The following HHATL variants were observed in gnomAD, a reference collection of about 807,000 sequenced individuals.
HHATL encodes protein-cysteine N-palmitoyltransferase HHAT-like protein.
A neutral mutation model predicts 59.7 loss-of-function variants in HHATL; 49 were observed. The observed-to-expected ratio is 0.82, with a 90% confidence interval of 0.65 to 1.04. The LOEUF is 1.04. Among genes scored for constraint, HHATL ranks in the 50% least tolerant of loss-of-function variants. The pLI, the probability that HHATL is intolerant of heterozygous loss-of-function variation, is 0.00. For missense variants in HHATL, 605 were observed against 650.8 expected, an observed-to-expected ratio of 0.93 and a Z score of 0.77; for synonymous variants, 238 against 257.3, an observed-to-expected ratio of 0.93 and a Z score of 0.72.
At chr3:42,699,244 C>G in intron 3 of HHATL, 99 bp from the exon 4 acceptor site, 1 of 633,616 alleles carries the variant, frequency 1.6e-6, no homozygotes. Context: ...AGCACCTTTC[C>G]CAGCCTTCAT....
rs747437333 is a variant in HHATL, at chr3:42,699,760, T to C, written c.172A>G (p.Met58Val). The C allele has an allele frequency of 8.7e-5, 138 of 1,578,576 alleles. No homozygotes were observed. The highest frequency in any genetic ancestry group is 1.1e-4 in the Non-Finnish European group (132 of 1,161,556). Residue 58 changes from methionine (M) to valine (V), a missense_variant and splice_region_variant, in exon 3 of 12, where the codon ATG becomes GTG. Coordinates refer to ENST00000441594, the MANE Select transcript of HHATL (RefSeq NM_020707.4). ...RPGWEYIGRK[M>V]DVADFEWVMW... Reference sequence around the variant, plus strand: ...ACCCTGGGATGTGGGGGACCTACCATCTTCCGGCCAATGTACTCCCAGCCA... The same window carrying C: ...ACCCTGGGATGTGGGGGACCTACCACCTTCCGGCCAATGTACTCCCAGCCA...
At position 42,698,285 on chromosome 3, in the gene HHATL, CT is replaced by C; in HGVS notation, c.549del (p.Val184CysfsTer21). The C allele has an allele frequency of 6.2e-7, 1 of 1,614,074 alleles. No homozygotes were observed. The highest frequency in any genetic ancestry group is 1.1e-5 in the South Asian group (1 of 91,078). ...AGTGCAAAGCTGGTGCAACGCAGCA[CT>C]GTGAAGCTGCTGCCCCCATGAAACA... ...EVLFHGGSSF[T>X]VLRCTSFALE... is the part of the protein sequence containing the mutation. On this transcript the variant is annotated frameshift_variant, in exon 6 of 12. Coordinates refer to ENST00000441594, the MANE Select transcript of HHATL (RefSeq NM_020707.4). LOFTEE classifies it high-confidence loss of function.
At chr3:42,693,564 C>G (rs1032499536) in intron 10 of HHATL, 53 bp downstream of exon 10, 1 of 1,484,456 alleles carries the variant, frequency 6.7e-7, no homozygotes, top group African/African-American at 1.4e-5. Flanking sequence ...GCAGCAGTGC[C>G]CCCCCGCCCT....
rs765377733 is a variant in HHATL at position 42,693,747 on chromosome 3, A to G, written c.1118T>C (p.Phe373Ser). The stretch of plus-strand genomic sequence containing the variant: ...CCCAAGCCACAGTGTGGTGATGGCA[A>G]ATGTGGCCACTGTGGCTGCCAGCTC... ...IPELAATVAT[F>S]AITTLWLGPC... The change falls in exon 10 of 12, where the codon TTT (phenylalanine) becomes TCT (serine). Residue 373 changes from phenylalanine to serine, a missense_variant. Transcript: ENST00000441594. 1 of 1,614,184 alleles carries G rather than the reference A, an allele frequency of 6.2e-7. No individual in the cohort carries two copies. The highest frequency in any genetic ancestry group is 1.1e-5 in the South Asian group (1 of 91,074).
chr3:42,693,515 T>G, intron 10 of HHATL, 102 bp downstream of exon 10: 2 of 1,039,152 alleles, frequency 1.9e-6, no homozygotes, highest in South Asian at 1.5e-5. Context: ...GGTGAGAAAG[T>G]TCTGGATTAG....
rs778769834 is a variant in HHATL at position 42,692,786 on chromosome 3, C to T, written c.1480G>A (p.Glu494Lys). The T allele has an allele frequency of 2.5e-6, 4 of 1,614,132 alleles. No homozygotes were observed. The highest frequency in any genetic ancestry group is 2.7e-5 in the African/African-American group (2 of 74,948). Reference sequence around the variant, plus strand: ...TTCTCTTTGTCCTGCTTCTGCTCCTCCTCCAGTGCCAAGGTTCGCTCACGC... The same window carrying T: ...TTCTCTTTGTCCTGCTTCTGCTCCTTCTCCAGTGCCAAGGTTCGCTCACGC... The part of the protein sequence containing the change: ...KERERTLALE[E>K]EQKQDKEKPE Residue 494 changes from glutamate to lysine, a missense_variant, in exon 12 of 12, where the codon GAG becomes AAG. By Grantham distance (56) the Glu-to-Lys change is moderately conservative. Coordinates refer to ENST00000441594, the MANE Select transcript of HHATL (RefSeq NM_020707.4).
At chr3:42,697,449 C>A in intron 7 of HHATL, 59 bp downstream of exon 7, 1 of 1,559,242 alleles carries the variant, frequency 6.4e-7, no homozygotes, top group South Asian at 1.2e-5. Context: ...CGTGGGGGTG[C>A]AGAGGGTCTG....
intron 2 of HHATL, 90 bp from the exon 3 acceptor site, chr3:42,699,915 C>A (rs1345241953): frequency 1.9e-6 from 2 of 1,066,042 alleles, no homozygotes; most frequent in African/African-American, 1.6e-5. Flanking sequence ...CCCTGGGGAG[C>A]GAGGGCATCA....
chr3:42,697,917 G>A (rs1471422568), intron 6 of HHATL, among the ~76,000 whole-genome samples: 2 of 152,194 alleles, frequency 1.3e-5, no homozygotes, highest in East Asian at 1.9e-4. Flanking sequence ...TGGCCTGGGA[G>A]TCCTGTCTGA....
At position 42,699,436 on chromosome 3, in the gene HHATL, G is replaced by T. The variant is rs112892705; in HGVS notation, c.175-291C>A. Among the ~76,000 whole-genome samples the T allele has an allele frequency of 7.3e-3, 1,111 of 152,268 alleles. 10 individuals are homozygous for T. The highest frequency in any genetic ancestry group is 0.025 in the African/African-American group (1,029 of 41,544). Reference sequence around the variant, plus strand: ...AGGAGTGAAGGGCACCATGGGGGCTGCCGGGTCGCTTGAAGCTCCCCCTCT... The same window carrying T: ...AGGAGTGAAGGGCACCATGGGGGCTTCCGGGTCGCTTGAAGCTCCCCCTCT... On this transcript the variant is annotated intron_variant, in intron 3 of 11. Transcript: ENST00000441594.
Position 42,696,837 on chromosome 3 carries a change from C to T in HHATL, c.1046+5G>A. On this transcript the variant is annotated splice_donor_5th_base_variant and intron_variant, in intron 9 of 11. Coordinates refer to ENST00000441594, the MANE Select transcript of HHATL (RefSeq NM_020707.4). The stretch of plus-strand genomic sequence containing the variant: ...TGTGACCACCCCCACCCCACTCCTA[C>T]TCACTTGCAAAGCCAGTCGTTGATG... 2 of 1,613,990 alleles carry T rather than the reference C, an allele frequency of 1.2e-6. No homozygotes were observed. The highest frequency in any genetic ancestry group is 1.7e-6 in the Non-Finnish European group (2 of 1,179,926).
chr3:42,699,552 G>A (rs536674951), intron 3 of HHATL, among the ~76,000 whole-genome samples: 123 of 152,234 alleles, frequency 8.1e-4, no homozygotes, highest in African/African-American at 2.8e-3. Flanking sequence ...CCACTAATGC[G>A]ACCTATTTCC....
rs61999306 is a variant in HHATL, at chr3:42,693,807, T to C, written c.1058A>G (p.Asn353Ser). The change falls in exon 10 of 12, where the codon AAC (asparagine) becomes AGC (serine). Residue 353 changes from asparagine (N) to serine (S), a missense_variant. Asn to Ser is a conservative substitution (Grantham distance 46, BLOSUM62 1). Coordinates refer to ENST00000441594, the MANE Select transcript of HHATL (RefSeq NM_020707.4). The stretch of plus-strand genomic sequence containing the variant: ...AGCGGAATGCTCCCCACCAATGTGG[T>C]TATACACATATCTGCAGGAAAGATG... ...INDWLCKYVYNHIGGEHSAVI... is the reference protein window; with the variant it reads ...INDWLCKYVYSHIGGEHSAVI... The C allele has an allele frequency of 2.4e-3, 3,946 of 1,613,542 alleles. 21 individuals are homozygous for C. The highest frequency in any genetic ancestry group is 2.4e-3 in the Non-Finnish European group (2,822 of 1,179,836).
chr3:42,699,829 A>C lies in HHATL; in HGVS notation c.107-4T>G. ...AAGGCCTTCCTGTGGGCCCCATCTG[A>C]GAACAGAGTGTGGCCTCAGGGAGAG... On this transcript the variant is annotated splice_polypyrimidine_tract_variant and splice_region_variant and intron_variant, in intron 2 of 11. Transcript: ENST00000441594. 4.5e-6 allele frequency: 7 copies of C among 1,558,768 alleles called. No homozygotes were observed. The highest frequency in any genetic ancestry group is 6.1e-6 in the Non-Finnish European group (7 of 1,150,720).
chr3:42,697,809 G>A, intron 6 of HHATL, 130 bp from the exon 7 acceptor site: 1 of 958,578 alleles, frequency 1.0e-6, no homozygotes, highest in African/African-American at 1.7e-5. Context: ...TGAGGGTGGA[G>A]ACAGAGGTCA....
chr3:42,700,006 C>G lies in HHATL; in HGVS notation c.107-181G>C, dbSNP rs559959159. On this transcript the variant is annotated intron_variant, in intron 2 of 11. Transcript: ENST00000441594. Reference sequence around the variant, plus strand: ...TCGCTGTGTGTCTGGGTCCAGGACTCTGTGTGTGTGTGTGTGTGTTGGGGT... The same window carrying G: ...TCGCTGTGTGTCTGGGTCCAGGACTGTGTGTGTGTGTGTGTGTGTTGGGGT... 6.7e-5 allele frequency among the ~76,000 whole-genome samples: 10 copies of G among 150,212 alleles called. No individual in the cohort carries two copies. In the South Asian group the frequency reaches 2.1e-3, roughly 32 times the overall value.
At position 42,698,122 on chromosome 3, in the gene HHATL, C is replaced by G; in HGVS notation, c.693+20G>C. 1 of 1,608,978 alleles carries G rather than the reference C, an allele frequency of 6.2e-7. No homozygotes were observed. On this transcript the variant is annotated intron_variant, in intron 6 of 11. Transcript: ENST00000441594. ...GGGAGATTCAGCCCTGTTCTAGAAG[C>G]CCACAGGGTGTCCCCTCACCTGAGC...
rs369939352 is a variant in HHATL at position 42,697,687 on chromosome 3, G to T, written c.694-8C>A. On this transcript the variant is annotated splice_region_variant and splice_polypyrimidine_tract_variant and intron_variant, in intron 6 of 11. Coordinates refer to ENST00000441594, the MANE Select transcript of HHATL (RefSeq NM_020707.4). ...TGGCTCCACCTGGCTCACCTGGGGG[G>T]ATGCGAAGGGTCTGAGGGAAGAGGC... The T allele has an allele frequency of 3.5e-5, 57 of 1,611,782 alleles. No individual in the cohort carries two copies. The highest frequency in any genetic ancestry group is 4.7e-5 in the Non-Finnish European group (55 of 1,178,332).
Position 42,692,740 on chromosome 3 carries a change from C to T in HHATL, c.*11G>A, listed in dbSNP as rs1467015193. On this transcript the variant is annotated 3_prime_UTR_variant, in exon 12 of 12. Coordinates refer to ENST00000441594, the MANE Select transcript of HHATL (RefSeq NM_020707.4). Reference sequence around the variant, plus strand: ...TAGCTGAGCAGAGCCCATCCCTCTACCCGCTCCCTCCTACTCCGGCTTCTC... The same window carrying T: ...TAGCTGAGCAGAGCCCATCCCTCTATCCGCTCCCTCCTACTCCGGCTTCTC... 6.2e-7 allele frequency: 1 copy of T among 1,614,102 alleles called. No individual in the cohort carries two copies. The highest frequency in any genetic ancestry group is 8.5e-7 in the Non-Finnish European group (1 of 1,180,026).
Sources: gnomAD v4.1 joint callset for allele counts (sites outside exome capture counted in the v4.1 genomes callset) on GRCh38, gnomAD v4.1.1 for gene constraint, MANE v1.5 for transcripts, NCBI Gene and HGNC (gene_info 2026-07-23, HGNC 2026-07-21) for gene names.